CALN1: variants seen among roughly 807,000 people sequenced by gnomAD.
The protein encoded by CALN1 is calneuron 1.
A neutral mutation model predicts 30.6 loss-of-function variants in CALN1; 17 were observed. That is an observed-to-expected ratio of 0.56 (90% CI 0.38 to 0.83). The LOEUF is 0.83. Among genes scored for constraint, CALN1 ranks in the 40% least tolerant of loss-of-function variants. CALN1 has a pLI of 0.00. For missense variants in CALN1, 291 were observed against 354.9 expected (o/e 0.82, Z 1.45); for synonymous variants, 156 against 131.4 (o/e 1.19, Z -1.28).
At chr7:72,441,273 A>G (rs562365434) in intron 1 of CALN1, among the ~76,000 whole-genome samples, 2 of 152,196 alleles carry the variant, frequency 1.3e-5, no homozygotes, top group East Asian at 3.9e-4. Context: ...GGAGGTGGGA[A>G]GAAGCCAGGA....
At chr7:72,379,816 C>T (rs1279919154) in intron 2 of CALN1, among the ~76,000 whole-genome samples, 1 of 152,214 alleles carries the variant, frequency 6.6e-6, no homozygotes, top group African/African-American at 2.4e-5. Context: ...TAATATGACT[C>T]TGATGTTAGG....
At chr7:72,154,279 C>G (rs1055741269) in intron 3 of CALN1, among the ~76,000 whole-genome samples, 1 of 151,770 alleles carries the variant, frequency 6.6e-6, no homozygotes, top group Non-Finnish European at 1.5e-5. Flanking sequence ...CCTTGTCCAG[C>G]GTCATGCAAA....
chr7:72,038,066 T>C (rs1246715635), intron 4 of CALN1, among the ~76,000 whole-genome samples: 1 of 152,186 alleles, frequency 6.6e-6, no homozygotes, highest in Non-Finnish European at 1.5e-5. Context: ...CACCAATGGC[T>C]TCCAGCCTCT....
At chr7:72,173,365 A>G (rs1285095657) in intron 3 of CALN1, among the ~76,000 whole-genome samples, 1 of 152,140 alleles carries the variant, frequency 6.6e-6, no homozygotes, top group Non-Finnish European at 1.5e-5. Flanking sequence ...AATATTCCAT[A>G]TTGTTAAGAG....
At chr7:71,939,225 C>G (rs1184969906) in intron 5 of CALN1, among the ~76,000 whole-genome samples, 1 of 151,888 alleles carries the variant, frequency 6.6e-6, no homozygotes, top group Non-Finnish European at 1.5e-5. Flanking sequence ...TTAACATGTG[C>G]CAAAGTACAG....
chr7:72,126,112 T>C (rs1316173977), intron 3 of CALN1, among the ~76,000 whole-genome samples: 3 of 152,208 alleles, frequency 2.0e-5, no homozygotes, highest in Non-Finnish European at 4.4e-5. Flanking sequence ...TGTATCATTC[T>C]TATGCCTCTG....
intron 1 of CALN1, among the ~76,000 whole-genome samples, chr7:72,420,672 G>A (rs1403604442): frequency 4.1e-5 from 6 of 145,236 alleles, no homozygotes; most frequent in Non-Finnish European, 7.4e-5. Context: ...CGCCCAGGCT[G>A]GAGTGCAGTG....
chr7:71,867,458 TAG>T (rs1562855499), intron 5 of CALN1, among the ~76,000 whole-genome samples: 1 of 151,928 alleles, frequency 6.6e-6, no homozygotes, highest in African/African-American at 2.4e-5. Context: ...TATTTTGAGA[TAG>T]AGTCTAGCTC....
intron 2 of CALN1, among the ~76,000 whole-genome samples, chr7:72,338,837 A>AG (rs1802250055): frequency 6.6e-6 from 1 of 152,040 alleles, no homozygotes; most frequent in South Asian, 2.1e-4. Context: ...TTATTGTAAA[A>AG]TATGAGTTAT....
chr7:72,322,272 G>A (rs143046888), intron 2 of CALN1, among the ~76,000 whole-genome samples: 387 of 152,264 alleles, frequency 2.5e-3, no homozygotes, highest in Admixed American at 4.1e-3. Flanking sequence ...GGCTTCCTAT[G>A]AGAATCTAAC....
At chr7:72,249,279 G>A (rs538355005) in intron 3 of CALN1, among the ~76,000 whole-genome samples, 1 of 152,238 alleles carries the variant, frequency 6.6e-6, no homozygotes, top group East Asian at 1.9e-4. Flanking sequence ...TCATCTTCCT[G>A]TACAAAGCAC....
intron 2 of CALN1, among the ~76,000 whole-genome samples, chr7:72,291,029 T>C (rs1309636893): frequency 6.6e-6 from 1 of 151,888 alleles, no homozygotes; most frequent in Non-Finnish European, 1.5e-5. Flanking sequence ...GTTCAAGCAA[T>C]TCTCCTGCCT....
chr7:72,202,579 T>C (rs1320063911), intron 3 of CALN1, among the ~76,000 whole-genome samples: 1 of 152,162 alleles, frequency 6.6e-6, no homozygotes, highest in African/African-American at 2.4e-5. Flanking sequence ...TTTTCCTCTG[T>C]GATAGAAAGT....
intron 3 of CALN1, among the ~76,000 whole-genome samples, chr7:72,256,642 T>C (rs73129519): frequency 0.012 from 1,842 of 152,128 alleles, 22 homozygotes; most frequent in Non-Finnish European, 0.02. Context: ...GGTTTTGGTC[T>C]GTCACCCACG....
chr7:72,496,315 T>C, the CALN1 span, among the ~76,000 whole-genome samples: 1 of 152,212 alleles, frequency 6.6e-6, no homozygotes, highest in Admixed American at 6.5e-5. Context: ...ATAGTACACA[T>C]CACTACTTTA....
chr7:71,908,443 G>A (rs1410391001), intron 5 of CALN1, among the ~76,000 whole-genome samples: 1 of 152,136 alleles, frequency 6.6e-6, no homozygotes, highest in Non-Finnish European at 1.5e-5. Flanking sequence ...CAAAGTTAAC[G>A]TCGAAAGGTT....
At chr7:72,241,015 A>G (rs576061881) in intron 3 of CALN1, among the ~76,000 whole-genome samples, 3 of 152,324 alleles carry the variant, frequency 2.0e-5, no homozygotes, top group East Asian at 1.9e-4. Flanking sequence ...ATCAGAGTCT[A>G]TATCTGCCCC....
At chr7:72,033,112 AG>A (rs1170782450) in intron 4 of CALN1, among the ~76,000 whole-genome samples, 1 of 152,130 alleles carries the variant, frequency 6.6e-6, no homozygotes, top group African/African-American at 2.4e-5. Flanking sequence ...CCACTTAGCA[AG>A]AAGCACAGAA....
At chr7:71,792,463 T>C (rs1332229239) in intron 6 of CALN1, among the ~76,000 whole-genome samples, 3 of 152,200 alleles carry the variant, frequency 2.0e-5, no homozygotes. Context: ...TTCTTGCCGA[T>C]TGAAGCTTCC....
Sources: gnomAD v4.1 joint callset for allele counts (sites outside exome capture counted in the v4.1 genomes callset) on GRCh38, gnomAD v4.1.1 for gene constraint, MANE v1.5 for transcripts, NCBI Gene and HGNC (gene_info 2026-07-23, HGNC 2026-07-21) for gene names.